DHCR24: variants seen among roughly 807,000 people sequenced by gnomAD.
DHCR24 encodes 24-dehydrocholesterol reductase.
A neutral mutation model predicts 61.2 loss-of-function variants in DHCR24; 28 were observed. The ratio of observed to expected loss-of-function variants is 0.46; its 90% CI spans 0.34 to 0.63. The LOEUF (loss-of-function observed/expected upper bound fraction) is 0.63, where lower values mean the gene tolerates loss of function less well. Ranked by LOEUF, DHCR24 falls within the 20% of genes least tolerant of loss-of-function variation. The probability of loss-of-function intolerance (pLI) is 0.01; values close to 1 mark genes in which losing one functional copy is unlikely to be tolerated. For missense variants in DHCR24, 538 were observed against 679.1 expected (o/e 0.79, Z 2.31); for synonymous variants, 261 against 275.9 (o/e 0.95, Z 0.54).
At chr1:54,886,068 G>C (rs79071191) in intron 1 of DHCR24, among the ~76,000 whole-genome samples, 2,694 of 152,284 alleles carry the variant, frequency 0.018, 47 homozygotes, top group Non-Finnish European at 0.029. Context: ...TACACCTACG[G>C]AAGGGTGGCA....
Position 54,853,185 on chromosome 1 carries a change from G to A in DHCR24, c.1397+249C>T, listed in dbSNP as rs776002314. On this transcript the variant is annotated intron_variant, in intron 8 of 8. Transcript: ENST00000371269. ...CCCAGGTTTCTGGCTGGGGCTGCTG[G>A]GGGGGTGTGACATGTTCACTGGAGG... Among the ~76,000 whole-genome samples, 56 of 151,882 alleles carry A rather than the reference G, an allele frequency of 3.7e-4. 1 individual carries two copies. Among genetic ancestry groups the A allele is most frequent in the Admixed American group, 2.6e-4 (4 of 15,262 alleles).
chr1:54,864,041 C>A (rs1646953498), intron 6 of DHCR24, among the ~76,000 whole-genome samples: 1 of 152,022 alleles, frequency 6.6e-6, no homozygotes, highest in Non-Finnish European at 1.5e-5. Context: ...ATTTAAAAAC[C>A]AGAAAATAAC....
Position 54,851,557 on chromosome 1 carries a change from G to C in DHCR24, c.*676C>G, listed in dbSNP as rs762917924. The C allele has an allele frequency of 3.3e-5, 5 of 153,330 alleles. No homozygotes were observed. The highest frequency in any genetic ancestry group is 6.5e-5 in the Admixed American group (1 of 15,376). 9.5% of individuals were successfully genotyped at this position (153,330 alleles called of 1,614,324 possible). ...GGCTGGGGTGGGCCTGCAGGCCCAG[G>C]CATGAAGGAGGAAGGGGCAGGACGG... is the stretch of plus-strand genomic sequence containing the variant. On this transcript the variant is annotated 3_prime_UTR_variant, in exon 9 of 9. Transcript: ENST00000371269.
chr1:54,875,833 A>T, intron 3 of DHCR24, 109 bp downstream of exon 3: 1 of 853,070 alleles, frequency 1.2e-6, no homozygotes, highest in Non-Finnish European at 2.0e-6. Flanking sequence ...GACTTCTGTC[A>T]CAGATGGAAT....
rs372282972 is a variant in DHCR24 at position 54,871,267 on chromosome 1, G to C, written c.876+83C>G. 4.1e-4 allele frequency: 646 copies of C among 1,569,178 alleles called. 2 individuals are homozygous for C. In the African/African-American group the frequency reaches 7.4e-3, roughly 18 times the overall value. On this transcript the variant is annotated intron_variant, in intron 5 of 8. Coordinates refer to ENST00000371269, the MANE Select transcript of DHCR24 (RefSeq NM_014762.4). ...GCAGCCTTGAAGAGGTGGCTGCCAGGGTCAGGATACGGGAACCGGCTCAGT... is the reference window on the plus strand; with the variant it reads ...GCAGCCTTGAAGAGGTGGCTGCCAGCGTCAGGATACGGGAACCGGCTCAGT...
At chr1:54,856,904 A>C (rs1192931337) in intron 6 of DHCR24, among the ~76,000 whole-genome samples, 2 of 152,228 alleles carry the variant, frequency 1.3e-5, no homozygotes, top group East Asian at 3.8e-4. Context: ...GCACAATGTG[A>C]CATCAAACTT....
chr1:54,883,873 A>G lies in DHCR24; in HGVS notation c.232-100T>C. 1 of 1,507,826 alleles carries G rather than the reference A, an allele frequency of 6.6e-7. No homozygotes were observed. The highest frequency in any genetic ancestry group is 9.1e-7 in the Non-Finnish European group (1 of 1,094,492). The allele number at this position is 1,507,826 out of a possible 1,614,324, so 93.4% of individuals were successfully genotyped here. ...AGGGCGAGCTGGGAATGATGCCTCC[A>G]TCAGGCACTGGAGAAACAGAACAAT... On this transcript the variant is annotated intron_variant, in intron 1 of 8. Transcript: ENST00000371269. This position sits in a 1 kb window ranked among gnomAD's most constrained non-coding sequence, Gnocchi z 4.3.
chr1:54,883,764 A>C lies in DHCR24; in HGVS notation c.241T>G (p.Trp81Gly). The C allele has an allele frequency of 6.2e-7, 1 of 1,614,176 alleles. No individual in the cohort carries two copies. Among genetic ancestry groups the C allele is most frequent in the Non-Finnish European group, 8.5e-7 (1 of 1,180,040 alleles). ...VRDIQKQVRE[W>G]KEQGSKTFMC... ...AAGGTCTTGCTACCCTGCTCCTTCC[A>C]TTCCCGCACCTGCAACCACAGGACA... Residue 81 changes from tryptophan to glycine, a missense_variant, in exon 2 of 9, where the codon TGG (tryptophan) becomes GGG (glycine). Coordinates refer to ENST00000371269, the MANE Select transcript of DHCR24 (RefSeq NM_014762.4). The surrounding 1 kb of genome is among the most constrained non-coding windows in gnomAD (Gnocchi z 4.3).
intron 4 of DHCR24, 79 bp downstream of exon 4, chr1:54,875,014 A>T: frequency 1.6e-6 from 2 of 1,254,342 alleles, no homozygotes; most frequent in Non-Finnish European, 2.3e-6. Context: ...AAGCACACCT[A>T]GAGGAGCCAC....
intron 5 of DHCR24, among the ~76,000 whole-genome samples, chr1:54,866,337 A>T (rs931048505): frequency 1.3e-5 from 2 of 151,850 alleles, no homozygotes; most frequent in Non-Finnish European, 2.9e-5. Context: ...CACTGTTTTT[A>T]AAAAATAGGA....
At chr1:54,861,795 A>G (rs894133464) in intron 6 of DHCR24, among the ~76,000 whole-genome samples, 5 of 152,310 alleles carry the variant, frequency 3.3e-5, no homozygotes, top group East Asian at 1.9e-4. Context: ...CTGCCTGGCA[A>G]TGCCACAGTG....
chr1:54,886,658 C>T (rs1244010549), intron 1 of DHCR24: 1 of 1,506,074 alleles, frequency 6.6e-7, no homozygotes, highest in Non-Finnish European at 8.8e-7. Flanking sequence ...TTCTTCATCT[C>T]CCTCCAGGTA....
At position 54,871,455 on chromosome 1, in the gene DHCR24, G is replaced by A. The variant is rs1258262424; in HGVS notation, c.771C>T (p.His257=). The change falls in exon 5 of 9, where the codon CAC becomes CAT. Residue 257 remains histidine, a synonymous_variant. Coordinates refer to ENST00000371269, the MANE Select transcript of DHCR24 (RefSeq NM_014762.4). The stretch of plus-strand genomic sequence containing the variant: ...AGTGGTTCTCCTGCCGCTGGGACTC[G>A]TGGGTGAACTTGGCACAGATAGCCT... ...GLEAICAKFT[H]ESQRQENHFV... 2.5e-6 allele frequency: 4 copies of A among 1,614,098 alleles called. No homozygotes were observed. Among genetic ancestry groups the A allele is most frequent in the South Asian group, 2.2e-5 (2 of 91,092 alleles).
chr1:54,872,508 T>A (rs1408610983), intron 4 of DHCR24, among the ~76,000 whole-genome samples: 1 of 152,114 alleles, frequency 6.6e-6, no homozygotes, highest in Non-Finnish European at 1.5e-5. Flanking sequence ...GCAGGAGAGC[T>A]GGAGCAAGGA....
chr1:54,875,241 G>A, intron 3 of DHCR24, 30 bp from the exon 4 acceptor site: 1 of 1,607,904 alleles, frequency 6.2e-7, no homozygotes, highest in Non-Finnish European at 8.5e-7. Context: ...AGTGTCAGCA[G>A]GGAGAGCTGT....
intron 5 of DHCR24, among the ~76,000 whole-genome samples, chr1:54,870,369 T>C (rs1646991467): frequency 6.6e-6 from 1 of 152,230 alleles, no homozygotes; most frequent in Non-Finnish European, 1.5e-5. Flanking sequence ...ACATTACTTT[T>C]ATAATTTAAA....
At chr1:54,861,764 G>C (rs1041980544) in intron 6 of DHCR24, among the ~76,000 whole-genome samples, 1 of 152,190 alleles carries the variant, frequency 6.6e-6, no homozygotes, top group Non-Finnish European at 1.5e-5. Flanking sequence ...TCATGAGTGT[G>C]AATCCCTGGT....
intron 6 of DHCR24, among the ~76,000 whole-genome samples, chr1:54,859,587 C>A (rs1646924940): frequency 6.6e-6 from 1 of 152,078 alleles, no homozygotes; most frequent in Admixed American, 6.6e-5. Flanking sequence ...GCCTCAGCCT[C>A]CCTTGTAGCT....
At chr1:54,872,507 C>T (rs944039216) in intron 4 of DHCR24, among the ~76,000 whole-genome samples, 1 of 152,138 alleles carries the variant, frequency 6.6e-6, no homozygotes, top group African/African-American at 2.4e-5. Context: ...GGCAGGAGAG[C>T]TGGAGCAAGG....
Sources: gnomAD v4.1 joint callset for allele counts (sites outside exome capture counted in the v4.1 genomes callset) on GRCh38, gnomAD v4.1.1 for gene constraint, Gnocchi (gnomAD v3.1) non-coding constraint, MANE v1.5 for transcripts, NCBI Gene and HGNC (gene_info 2026-07-23, HGNC 2026-07-21) for gene names.